GRM7: variants seen among roughly 807,000 people sequenced by gnomAD.
GRM7 encodes metabotropic glutamate receptor 7.
Under a neutral mutation model 84.5 loss-of-function variants are expected in GRM7, and 35 were observed. That is an observed-to-expected ratio of 0.41 (90% CI 0.32 to 0.55). GRM7 has a LOEUF of 0.55. Ranked by LOEUF, GRM7 falls within the 20% of genes least tolerant of loss-of-function variation. GRM7 has a pLI of 0.19. For missense variants in GRM7, 1,003 were observed against 1,194.6 expected, an observed-to-expected ratio of 0.84 and a Z score of 2.36; for synonymous variants, 487 against 455.1, an observed-to-expected ratio of 1.07 and a Z score of -0.89.
At chr3:7,365,665 ACACACACG>A (rs1374615366) in intron 4 of GRM7, among the ~76,000 whole-genome samples, 2 of 121,578 alleles carry the variant, frequency 1.6e-5, no homozygotes, top group Non-Finnish European at 3.7e-5. Context: ...ATATATATAT[ACACACACG>A]CACACACACA....
chr3:6,900,805 C>T (rs551856554), intron 1 of GRM7, among the ~76,000 whole-genome samples: 16 of 152,164 alleles, frequency 1.1e-4, no homozygotes, highest in Non-Finnish European at 2.2e-4. Flanking sequence ...GCTTTTTGGC[C>T]CAAATAAGGT....
chr3:7,502,776 T>A (rs1333981014), intron 7 of GRM7, among the ~76,000 whole-genome samples: 1 of 152,196 alleles, frequency 6.6e-6, no homozygotes, highest in Admixed American at 6.5e-5. Context: ...TACTGTTTCC[T>A]AAGTGGATGA....
At chr3:7,258,643 A>G (rs1467774868) in intron 2 of GRM7, among the ~76,000 whole-genome samples, 1 of 152,242 alleles carries the variant, frequency 6.6e-6, no homozygotes, top group Non-Finnish European at 1.5e-5. Flanking sequence ...CTTTTTAAAC[A>G]TTGTATAAAG....
At chr3:7,584,644 G>A (rs866641569) in intron 8 of GRM7, among the ~76,000 whole-genome samples, 1 of 152,196 alleles carries the variant, frequency 6.6e-6, no homozygotes, top group South Asian at 2.1e-4. Context: ...GCAGCTAGAG[G>A]TAAGAAAACT....
chr3:7,426,961 TC>T (rs1696635146), intron 5 of GRM7, among the ~76,000 whole-genome samples: 1 of 152,172 alleles, frequency 6.6e-6, no homozygotes, highest in Non-Finnish European at 1.5e-5. Context: ...TGCTTGTGTT[TC>T]CCTAAAGGTG....
intron 7 of GRM7, among the ~76,000 whole-genome samples, chr3:7,507,799 G>A (rs560592073): frequency 6.6e-6 from 1 of 152,102 alleles, no homozygotes; most frequent in Admixed American, 6.5e-5. Context: ...AAAATTTGGG[G>A]CTCAGTTTTA....
At chr3:6,902,883 C>A (rs375078786) in intron 1 of GRM7, among the ~76,000 whole-genome samples, 16 of 131,552 alleles carry the variant, frequency 1.2e-4, no homozygotes, top group Middle Eastern at 3.9e-3. Context: ...ACACACACAC[C>A]CCTACTCTAG....
At chr3:7,723,518 G>A (rs1004341651) in intron 9 of GRM7, among the ~76,000 whole-genome samples, 3 of 152,106 alleles carry the variant, frequency 2.0e-5, no homozygotes. Flanking sequence ...ATGTGTTTAA[G>A]GAAAGGCTAT....
chr3:7,084,296 A>T (rs536946876), intron 1 of GRM7, among the ~76,000 whole-genome samples: 1 of 152,170 alleles, frequency 6.6e-6, no homozygotes, highest in South Asian at 2.1e-4. Flanking sequence ...GCAACATCAC[A>T]TGGGCTCTAT....
chr3:7,189,685 G>T (rs1031775342), intron 2 of GRM7, among the ~76,000 whole-genome samples: 1 of 152,068 alleles, frequency 6.6e-6, no homozygotes, highest in Non-Finnish European at 1.5e-5. Context: ...AGGAGGAGCT[G>T]GTTTGCAGGA....
At chr3:7,016,305 C>CACAGAAGA (rs1200254013) in intron 1 of GRM7, among the ~76,000 whole-genome samples, 5 of 152,154 alleles carry the variant, frequency 3.3e-5, no homozygotes, top group African/African-American at 1.2e-4. Flanking sequence ...TGAGTATTGC[C>CACAGAAGA]ACAGAAGAAG....
At position 7,253,404 on chromosome 3, in the gene GRM7, C is replaced by T. The variant is rs143265786; in HGVS notation, c.737-45280C>T. Among the ~76,000 whole-genome samples the T allele has an allele frequency of 7.9e-4, 120 of 152,068 alleles. 2 individuals are homozygous for T. The East Asian group carries it at 0.019, about 24-fold the overall frequency. The stretch of plus-strand genomic sequence containing the variant: ...CTGATGTGGGCAGATCATCTGTGGT[C>T]AGGAGTTGGAGTCCAGCCTGGCCAA... On this transcript the variant is annotated intron_variant, in intron 2 of 9. Transcript: ENST00000357716.
chr3:7,680,683 A>C (rs1396279623), intron 9 of GRM7: 1 of 185,186 alleles, frequency 5.4e-6, no homozygotes, highest in East Asian at 1.6e-4. Context: ...GGTGGGAATT[A>C]ATTAGGATTT....
intron 1 of GRM7, among the ~76,000 whole-genome samples, chr3:6,896,425 T>C (rs1436914353): frequency 1.3e-5 from 2 of 152,224 alleles, no homozygotes; most frequent in African/African-American, 4.8e-5. Context: ...GTCATTTGAC[T>C]CCTGGATCAC....
At chr3:6,954,655 A>C (rs1170131183) in intron 1 of GRM7, among the ~76,000 whole-genome samples, 1 of 152,220 alleles carries the variant, frequency 6.6e-6, no homozygotes, top group African/African-American at 2.4e-5. Context: ...TTCAGAATTC[A>C]AGGTCCAGGT....
At chr3:7,556,548 T>C (rs75987206) in intron 7 of GRM7, among the ~76,000 whole-genome samples, 14,775 of 152,160 alleles carry the variant, frequency 0.097, 825 homozygotes, top group South Asian at 0.12. Context: ...TGGTATTTAT[T>C]TGACTGATAC....
intron 1 of GRM7, among the ~76,000 whole-genome samples, chr3:7,023,012 G>T (rs1695836604): frequency 6.9e-6 from 1 of 143,960 alleles, no homozygotes; most frequent in South Asian, 2.4e-4. Context: ...TCTTTTAGGG[G>T]CAGTAAATCA....
intron 2 of GRM7, among the ~76,000 whole-genome samples, chr3:7,272,993 T>C (rs766892959): frequency 3.3e-5 from 5 of 152,124 alleles, no homozygotes; most frequent in Non-Finnish European, 7.4e-5. Context: ...GCTGTTAACG[T>C]TCCTCTATGG....
chr3:7,644,153 CGT>C (rs1491240361), intron 8 of GRM7, among the ~76,000 whole-genome samples: 6 of 100,478 alleles, frequency 6.0e-5, no homozygotes, highest in African/African-American at 1.2e-4. Flanking sequence ...TATGTCTGTA[CGT>C]ATATATATAT....
Sources: gnomAD v4.1 joint callset for allele counts (sites outside exome capture counted in the v4.1 genomes callset) on GRCh38, gnomAD v4.1.1 for gene constraint, MANE v1.5 for transcripts, NCBI Gene and HGNC (gene_info 2026-07-23, HGNC 2026-07-21) for gene names.